The following PTPRD variants were observed in gnomAD, a reference collection of about 807,000 sequenced individuals.
PTPRD encodes the protein protein tyrosine phosphatase receptor type D, also known as receptor-type tyrosine-protein phosphatase delta.
PTPRD carries 34 observed loss-of-function variants against 214.5 expected under a neutral mutation model. That is an observed-to-expected ratio of 0.16 (90% CI 0.12 to 0.21). The LOEUF (loss-of-function observed/expected upper bound fraction) is 0.21, where lower values mean the gene tolerates loss of function less well. Among genes scored for constraint, PTPRD ranks in the 10% least tolerant of loss-of-function variants. PTPRD has a pLI of 1.00. For missense variants in PTPRD, 2,545 were observed against 2,398.7 expected (o/e 1.06, Z -1.27); for synonymous variants, 1,128 against 845.7 (o/e 1.33, Z -5.79).
At chr9:9,368,868 G>T (rs185441594) in intron 9 of PTPRD, among the ~76,000 whole-genome samples, 1 of 151,646 alleles carries the variant, frequency 6.6e-6, no homozygotes, top group African/African-American at 2.4e-5. Context: ...AACTCGTGTC[G>T]TCATTTAGCA....
intron 8 of PTPRD, among the ~76,000 whole-genome samples, chr9:9,504,795 TCAGTAAAATTACAAG>T (rs957613062): frequency 6.0e-4 from 91 of 151,758 alleles, no homozygotes; most frequent in African/African-American, 2.1e-3. Flanking sequence ...ATAAATGATT[TCAGTAAAATTACAAG>T]ATTGAAAATC....
chr9:10,420,806 T>C (rs866758006), intron 2 of PTPRD, among the ~76,000 whole-genome samples: 17 of 151,920 alleles, frequency 1.1e-4, no homozygotes, highest in Admixed American at 3.9e-4. Flanking sequence ...GATATTTCAG[T>C]GTGCTTTTAT....
At chr9:9,534,465 G>C (rs569650620) in intron 8 of PTPRD, among the ~76,000 whole-genome samples, 1 of 152,114 alleles carries the variant, frequency 6.6e-6, no homozygotes, top group East Asian at 1.9e-4. Context: ...GACATGAGGT[G>C]ATATTTATTG....
At chr9:9,446,165 A>G (rs1181362210) in intron 8 of PTPRD, among the ~76,000 whole-genome samples, 5 of 152,186 alleles carry the variant, frequency 3.3e-5, no homozygotes, top group African/African-American at 1.2e-4. Context: ...ACAAAACAGA[A>G]CATGATGACA....
chr9:10,360,602 C>G (rs2097361390), intron 2 of PTPRD, among the ~76,000 whole-genome samples: 1 of 152,074 alleles, frequency 6.6e-6, no homozygotes, highest in African/African-American at 2.4e-5. Flanking sequence ...CCCAAGCAGC[C>G]AAGAAAATAT....
intron 27 of PTPRD, among the ~76,000 whole-genome samples, chr9:8,486,676 C>G (rs935145251): frequency 6.6e-6 from 1 of 152,094 alleles, no homozygotes; most frequent in Non-Finnish European, 1.5e-5. Flanking sequence ...TTAATTTGAG[C>G]AAAGATCAGC....
intron 3 of PTPRD, among the ~76,000 whole-genome samples, chr9:10,162,611 G>T (rs1003097172): frequency 6.7e-6 from 1 of 148,538 alleles, no homozygotes; most frequent in Non-Finnish European, 1.5e-5. Context: ...TTATACGTAC[G>T]TATATACACA....
chr9:8,883,821 T>G (rs1217979212), intron 11 of PTPRD, among the ~76,000 whole-genome samples: 1 of 152,188 alleles, frequency 6.6e-6, no homozygotes, highest in African/African-American at 2.4e-5. Flanking sequence ...CTGTATCCCT[T>G]CTGGAGCCGG....
At position 9,273,016 on chromosome 9, in the gene PTPRD, AG is replaced by A. The variant is rs1384517694; in HGVS notation, c.-202-89654del. Among the ~76,000 whole-genome samples the A allele has an allele frequency of 2.6e-5, 4 of 151,486 alleles. No individual in the cohort carries two copies. In the East Asian group the frequency reaches 7.8e-4, roughly 30 times the overall value. On this transcript the variant is annotated intron_variant, in intron 9 of 45. Coordinates refer to ENST00000381196, the MANE Select transcript of PTPRD (RefSeq NM_002839.4). Reference sequence around the variant, plus strand: ...TGTCTTTGTGATTTCTATGGATAAAAGAAACACCACATGAAAATCAATGTGG... The same window carrying A: ...TGTCTTTGTGATTTCTATGGATAAAAAAACACCACATGAAAATCAATGTGG...
chr9:9,433,884 T>C (rs2084173072), intron 8 of PTPRD, among the ~76,000 whole-genome samples: 1 of 152,214 alleles, frequency 6.6e-6, no homozygotes, highest in African/African-American at 2.4e-5. Flanking sequence ...TCTGCAACAT[T>C]CCTAACAATC....
In PTPRD at chr9:10,470,233, A is replaced by C. The variant is rs545281933; in HGVS notation, c.-599-129216T>G. On this transcript the variant is annotated intron_variant, in intron 2 of 45. Transcript: ENST00000381196. ...ATCAAAATATAATACACACCACATA[A>C]ATATGTACAACTATTAGGTATCCAT... 3.3e-4 allele frequency among the ~76,000 whole-genome samples: 50 copies of C among 152,136 alleles called. 1 individual carries two copies. Among genetic ancestry groups the C allele is most frequent in the Non-Finnish European group, 4.6e-4 (31 of 68,028 alleles).
In PTPRD at chr9:9,829,949, C is replaced by T. The variant is rs138210890; in HGVS notation, c.-367-63098G>A. Among the ~76,000 whole-genome samples, 235 of 151,798 alleles carry T rather than the reference C, an allele frequency of 1.5e-3. 1 individual carries two copies. Among genetic ancestry groups the T allele is most frequent in the Middle Eastern group, 3.4e-3 (1 of 294 alleles). ...TCATTTAACAAATTTTTACTGAGTG[C>T]TTACAATAGAGTAGACTTTCTTTTG... On this transcript the variant is annotated intron_variant, in intron 5 of 45. Transcript: ENST00000381196.
intron 3 of PTPRD, among the ~76,000 whole-genome samples, chr9:10,287,111 C>A (rs2095381670): frequency 6.6e-6 from 1 of 152,080 alleles, no homozygotes; most frequent in Non-Finnish European, 1.5e-5. Flanking sequence ...ACTGGTGAAG[C>A]CAAGGAGCTC....
chr9:9,295,426 T>C (rs546403252), intron 9 of PTPRD, among the ~76,000 whole-genome samples: 1 of 151,844 alleles, frequency 6.6e-6, no homozygotes, highest in South Asian at 2.1e-4. Context: ...TCTATCATTG[T>C]AACATAAATA....
chr9:9,603,253 G>A (rs979800976), intron 7 of PTPRD, among the ~76,000 whole-genome samples: 1 of 152,084 alleles, frequency 6.6e-6, no homozygotes, highest in Non-Finnish European at 1.5e-5. Flanking sequence ...GACAGGAATG[G>A]GGCAATAGTA....
intron 7 of PTPRD, among the ~76,000 whole-genome samples, chr9:9,627,011 A>G (rs1211002712): frequency 6.6e-6 from 1 of 152,334 alleles, no homozygotes; most frequent in South Asian, 2.1e-4. Flanking sequence ...GATTTCAAGG[A>G]AAATTAAATT....
chr9:10,316,169 A>G (rs953070787), intron 3 of PTPRD, among the ~76,000 whole-genome samples: 6 of 85,382 alleles, frequency 7.0e-5, no homozygotes, highest in Admixed American at 5.2e-4. Context: ...ATATCTATGT[A>G]TATATACATA....
chr9:9,562,381 T>G (rs2083205112), intron 8 of PTPRD, among the ~76,000 whole-genome samples: 1 of 152,222 alleles, frequency 6.6e-6, no homozygotes, highest in South Asian at 2.1e-4. Context: ...CGGTAGCCTT[T>G]AAAAATGGCT....
At position 9,336,998 on chromosome 9, in the gene PTPRD, T is replaced by C. The variant is rs767105243; in HGVS notation, c.-203+60451A>G. Among the ~76,000 whole-genome samples the C allele has an allele frequency of 4.1e-4, 62 of 152,128 alleles. 1 individual carries two copies. Among genetic ancestry groups the C allele is most frequent in the Non-Finnish European group, 6.3e-4 (43 of 68,024 alleles). On this transcript the variant is annotated intron_variant, in intron 9 of 45. Coordinates refer to ENST00000381196, the MANE Select transcript of PTPRD (RefSeq NM_002839.4). The stretch of plus-strand genomic sequence containing the variant: ...ATAGTTCTTTAAGGGAAGACCTATA[T>C]AGGGACAATTTAAAAATTTTTAAAA...
Sources: gnomAD v4.1 joint callset for allele counts (sites outside exome capture counted in the v4.1 genomes callset) on GRCh38, gnomAD v4.1.1 for gene constraint, MANE v1.5 for transcripts, NCBI Gene and HGNC (gene_info 2026-07-23, HGNC 2026-07-21) for gene names.